Variants in DIS3 observed in about 807,000 individuals in gnomAD.
The protein encoded by DIS3 is exosome complex exonuclease RRP44.
In DIS3, 103 loss-of-function variants were observed where a neutral mutation model predicts 113.0. That is an observed-to-expected ratio of 0.91 (90% CI 0.78 to 1.07). DIS3 has a LOEUF of 1.07. Among genes scored for constraint, DIS3 ranks in the 50% least tolerant of loss-of-function variants. The probability of loss-of-function intolerance (pLI) is 0.00; values close to 1 mark genes in which losing one functional copy is unlikely to be tolerated. For synonymous variants in DIS3, 402 were observed against 394.3 expected (o/e 1.02, Z -0.23); for missense variants, 1,121 against 1,167.1 (o/e 0.96, Z 0.58).
In DIS3 at chr13:72,772,801, T is replaced by C. The variant is rs367726653; in HGVS notation, c.1278A>G (p.Lys426=). ...FVRNLGDVGE[K]ETETEVLLLE... ...GTAACAAAACTTCTGTTTCAGTCTC[T>C]TTCTCTCCAACATCACCTAAATTTC... The change falls in exon 9 of 21, where the codon AAA becomes AAG. Residue 426 remains lysine, a synonymous_variant. Coordinates refer to ENST00000377767, the MANE Select transcript of DIS3 (RefSeq NM_014953.5). The C allele has an allele frequency of 4.7e-5, 76 of 1,611,690 alleles. No homozygotes were observed. Among genetic ancestry groups the C allele is most frequent in the African/African-American group, 8.0e-5 (6 of 74,842 alleles).
chr13:72,781,272 T>G, intron 1 of DIS3: 1 of 1,551,232 alleles, frequency 6.4e-7, no homozygotes, highest in South Asian at 1.2e-5. Context: ...CATAGTTTTT[T>G]GTTCCTAGGC....
chr13:72,775,459 A>T, intron 5 of DIS3, 84 bp from the exon 6 acceptor site: 2 of 1,391,702 alleles, frequency 1.4e-6, no homozygotes, highest in Non-Finnish European at 1.9e-6. Context: ...AGATATTTAC[A>T]TACACTCTGA....
chr13:72,771,193 C>A (rs2033878898), intron 11 of DIS3, 48 bp from the exon 12 acceptor site: 2 of 1,449,280 alleles, frequency 1.4e-6, no homozygotes, highest in Non-Finnish European at 9.6e-7. Flanking sequence ...CATAACCATA[C>A]ATTTATGTGA....
At position 72,758,817 on chromosome 13, in the gene DIS3, G is replaced by C. The variant is rs747952095; in HGVS notation, c.*978C>G. On this transcript the variant is annotated 3_prime_UTR_variant, in exon 21 of 21. Transcript: ENST00000377767. ...TTACTTGAGTGGAACCTGGCACAAC[G>C]TAAGTGCTTTAGAAATTGAATAAGC... 4.6e-5 allele frequency: 9 copies of C among 194,702 alleles called. No individual in the cohort carries two copies. Among genetic ancestry groups the C allele is most frequent in the African/African-American group, 2.1e-4 (9 of 43,182 alleles). The allele number at this position is 194,702 out of a possible 1,614,324, so 12.1% of individuals were successfully genotyped here.
intron 4 of DIS3, 128 bp from the exon 5 acceptor site, chr13:72,776,220 G>A (rs2034015015): frequency 1.1e-6 from 1 of 872,442 alleles, no homozygotes. Context: ...TAGGAGAGAA[G>A]ATAGCAGTGT....
chr13:72,756,000 A>AT lies in DIS3; in HGVS notation c.*3794dup, dbSNP rs2033455977. ...TGGGAGAGTGGAGTTCCCGTAGGGC[A>AT]TAGGCCTGTGAAGTAACACTGGGGC... On this transcript the variant is annotated 3_prime_UTR_variant, in exon 21 of 21. Transcript: ENST00000377767. 2.5e-6 allele frequency: 1 copy of AT among 398,632 alleles called. No homozygotes were observed. Among genetic ancestry groups the AT allele is most frequent in the Non-Finnish European group, 4.4e-6 (1 of 226,060 alleles). 24.7% of individuals were successfully genotyped at this position (398,632 alleles called of 1,614,324 possible).
chr13:72,768,571 G>A (rs1290871788), intron 14 of DIS3, among the ~76,000 whole-genome samples: 4 of 152,150 alleles, frequency 2.6e-5, no homozygotes, highest in Non-Finnish European at 4.4e-5. Context: ...TCGAATTCGG[G>A]AGGCAGAGGT....
chr13:72,765,353 A>G (rs1486446828), intron 15 of DIS3, among the ~76,000 whole-genome samples: 6 of 152,162 alleles, frequency 3.9e-5, no homozygotes, highest in Non-Finnish European at 8.8e-5. Flanking sequence ...ATAACCCATG[A>G]TCTTCACCAT....
chr13:72,763,936 C>T (rs2033689510), intron 15 of DIS3, among the ~76,000 whole-genome samples: 1 of 151,988 alleles, frequency 6.6e-6, no homozygotes, highest in South Asian at 2.1e-4. Context: ...ATCATTTGAG[C>T]CCAGGAGTTC....
chr13:72,774,855 T>C (rs1451188893), intron 6 of DIS3, among the ~76,000 whole-genome samples: 5 of 152,116 alleles, frequency 3.3e-5, no homozygotes, highest in Non-Finnish European at 7.4e-5. Context: ...CCTAAAGCAT[T>C]TTCTAAAACA....
Position 72,772,695 on chromosome 13 carries a change from T to C in DIS3, c.1384A>G (p.Lys462Glu). The C allele has an allele frequency of 6.2e-7, 1 of 1,601,876 alleles. No individual in the cohort carries two copies. Among genetic ancestry groups the C allele is most frequent in the Middle Eastern group, 1.7e-4 (1 of 5,986 alleles). Residue 462 changes from lysine to glutamate, a missense_variant and splice_region_variant, in exon 9 of 21, where the codon AAG (lysine) becomes GAG (glutamate). Coordinates refer to ENST00000377767, the MANE Select transcript of DIS3 (RefSeq NM_014953.5). ...LPKMPWSITE[K>E]DMKNREDLRH... ...ACTACAAATTACTTTCAACTTACCT[T>C]TTCAGTAATGCTCCAGGGCATCTTT...
In DIS3 at chr13:72,761,366, A is replaced by C. The variant is rs2033618327; in HGVS notation, c.2667T>G (p.Asp889Glu). Reference protein sequence around the residue: ...DKPNPQLIYDDEIPSLKIEDT... With the variant: ...DKPNPQLIYDEEIPSLKIEDT... Reference sequence around the variant, plus strand: ...ACAAACATGAGAAATACCGTACCTCATCATCATAAATAAGCTGTGGGTTTG... The same window carrying C: ...ACAAACATGAGAAATACCGTACCTCCTCATCATAAATAAGCTGTGGGTTTG... Residue 889 changes from aspartate to glutamate, a missense_variant, in exon 19 of 21, where the codon GAT (aspartate) becomes GAG (glutamate). Coordinates refer to ENST00000377767, the MANE Select transcript of DIS3 (RefSeq NM_014953.5). 1.3e-6 allele frequency: 2 copies of C among 1,599,344 alleles called. No homozygotes were observed. The highest frequency in any genetic ancestry group is 1.7e-6 in the Non-Finnish European group (2 of 1,176,746).
rs1003753535 is a variant in DIS3 at position 72,757,086 on chromosome 13, A to G, written c.*2709T>C. ...TTAGGGGAAAATAGCAAAGTCTCTG[A>G]TCATCTTGAACTACTCAATTGGGAC... On this transcript the variant is annotated 3_prime_UTR_variant, in exon 21 of 21. Coordinates refer to ENST00000377767, the MANE Select transcript of DIS3 (RefSeq NM_014953.5). The G allele has an allele frequency of 6.6e-6, 1 of 152,172 alleles. No homozygotes were observed. The highest frequency in any genetic ancestry group is 2.4e-5 in the African/African-American group (1 of 41,436). The allele number at this position is 152,172 out of a possible 1,614,324, so 9.4% of individuals were successfully genotyped here.
chr13:72,759,071 T>C lies in DIS3; in HGVS notation c.*724A>G, dbSNP rs971197438. 5.6e-5 allele frequency: 10 copies of C among 179,212 alleles called. No individual in the cohort carries two copies. The highest frequency in any genetic ancestry group is 1.1e-4 in the Non-Finnish European group (9 of 83,694). The allele number at this position is 179,212 out of a possible 1,614,324, so 11.1% of individuals were successfully genotyped here. A position where few individuals can be genotyped will look rare whatever the true frequency, so the allele number is the denominator to read the frequency against. On this transcript the variant is annotated 3_prime_UTR_variant, in exon 21 of 21. Transcript: ENST00000377767. Reference sequence around the variant, plus strand: ...AAGCCACTAATTAATCTGTTTTTTATTTTGTAAGTAACAAGATATAGACAT... The same window carrying C: ...AAGCCACTAATTAATCTGTTTTTTACTTTGTAAGTAACAAGATATAGACAT...
chr13:72,780,852 T>G lies in DIS3; in HGVS notation c.380A>C (p.His127Pro). The change falls in exon 2 of 21, where the codon CAC becomes CCC. Residue 127 changes from histidine to proline, a missense_variant. His to Pro is a moderately conservative substitution (Grantham distance 77, BLOSUM62 -2). Around this residue, in one of 3 missense-constraint regions of DIS3, gnomAD observed 254 missense variants for 232.2 expected, o/e 1.09. Coordinates refer to ENST00000377767, the MANE Select transcript of DIS3 (RefSeq NM_014953.5). ...AACGTAATATTCCTCCTACCTATGG[T>G]GCTCATTAGTGAAAGTATAGAAATG... ...EKHFYTFTNEHHRETYVEQEQ... is the reference protein window; with the variant it reads ...EKHFYTFTNEPHRETYVEQEQ... 6.2e-7 allele frequency: 1 copy of G among 1,606,014 alleles called. No individual in the cohort carries two copies. The highest frequency in any genetic ancestry group is 8.5e-7 in the Non-Finnish European group (1 of 1,177,432).
intron 14 of DIS3, among the ~76,000 whole-genome samples, chr13:72,767,026 A>G (rs1361336447): frequency 1.3e-5 from 2 of 152,192 alleles, no homozygotes; most frequent in African/African-American, 2.4e-5. Flanking sequence ...TTCAGGTCTG[A>G]TATGTATTTA....
intron 2 of DIS3, among the ~76,000 whole-genome samples, chr13:72,779,778 G>A (rs1277997720): frequency 6.9e-6 from 1 of 145,010 alleles, no homozygotes; most frequent in African/African-American, 2.5e-5. Context: ...GGTGGGGGGG[G>A]TAAGGGGTGG....
In DIS3 at chr13:72,773,728, T is replaced by C; in HGVS notation, c.1195A>G (p.Ile399Val). Reference sequence around the variant, plus strand: ...CTGGGCCAACCATCAATAGCAACAATAATTCTCCGTCCTTCTAATGTGGAA... The same window carrying C: ...CTGGGCCAACCATCAATAGCAACAACAATTCTCCGTCCTTCTAATGTGGAA... Reference protein sequence around the residue: ...QASTLEGRRIIVAIDGWPRNS... With the variant: ...QASTLEGRRIVVAIDGWPRNS... The change falls in exon 8 of 21, where the codon ATT becomes GTT. Residue 399 changes from isoleucine (I) to valine (V), a missense_variant. Coordinates refer to ENST00000377767, the MANE Select transcript of DIS3 (RefSeq NM_014953.5). 6.2e-7 allele frequency: 1 copy of C among 1,613,620 alleles called. No individual in the cohort carries two copies. The highest frequency in any genetic ancestry group is 2.2e-5 in the East Asian group (1 of 44,850).
rs139150040 is a variant in DIS3, at chr13:72,763,923, C to T, written c.1971-316G>A. Among the ~76,000 whole-genome samples the T allele has an allele frequency of 7.5e-3, 1,134 of 152,078 alleles. 17 individuals are homozygous for T. Among genetic ancestry groups the T allele is most frequent in the African/African-American group, 0.025 (1,041 of 41,490 alleles). On this transcript the variant is annotated intron_variant, in intron 15 of 20. Transcript: ENST00000377767. ...CAGCACTTTGGGAGGCCGAGGCAGG[C>T]AAATCATTTGAGCCCAGGAGTTCGA...
Sources: allele counts gnomAD v4.1 joint callset (sites outside exome capture counted in the v4.1 genomes callset), GRCh38; gene constraint gnomAD v4.1.1; regional missense constraint gnomAD v4.1.1; transcripts MANE v1.5; gene names NCBI Gene and HGNC (gene_info 2026-07-23, HGNC 2026-07-21).